TM9SF2: variants seen among roughly 807,000 people sequenced by gnomAD.
TM9SF2 encodes the protein transmembrane 9 superfamily member 2, also known as 76 kDa membrane protein.
TM9SF2 carries 13 observed loss-of-function variants against 84.9 expected under a neutral mutation model. The ratio of observed to expected loss-of-function variants is 0.15; its 90% CI spans 0.10 to 0.24. The LOEUF is 0.24. Among genes scored for constraint, TM9SF2 ranks in the 10% least tolerant of loss-of-function variants. The probability of loss-of-function intolerance (pLI) is 1.00; values close to 1 mark genes in which losing one functional copy is unlikely to be tolerated. For missense variants in TM9SF2, 562 were observed against 818.5 expected (o/e 0.69, Z 3.82); for synonymous variants, 273 against 285.8 (o/e 0.96, Z 0.45).
chr13:99,541,700 A>G, intron 9 of TM9SF2, 33 bp downstream of exon 9: 1 of 1,411,242 alleles, frequency 7.1e-7, no homozygotes, highest in Non-Finnish European at 9.9e-7. Flanking sequence ...TTAGTCTGCC[A>G]AGGACACTGT....
intron 9 of TM9SF2, among the ~76,000 whole-genome samples, chr13:99,543,379 G>T (rs1376327349): frequency 6.6e-6 from 1 of 152,182 alleles, no homozygotes; most frequent in Non-Finnish European, 1.5e-5. Context: ...ACTCACTGTG[G>T]TATCTGGTGT....
Position 99,554,456 on chromosome 13 carries a change from G to A in TM9SF2, c.1640+1G>A. ...TTTTCTTCATTCTGAATAGTATTTG[G>A]TAAGCTAAGGATAAAGTCCTCTCAT... On this transcript the variant is annotated splice_donor_variant, in intron 14 of 16. Coordinates refer to ENST00000376387, the MANE Select transcript of TM9SF2 (RefSeq NM_004800.3). LOFTEE classifies it high-confidence loss of function. 6.2e-7 allele frequency: 1 copy of A among 1,613,484 alleles called. No homozygotes were observed. The highest frequency in any genetic ancestry group is 8.5e-7 in the Non-Finnish European group (1 of 1,179,714).
rs1457075561 is a variant in TM9SF2 at position 99,534,502 on chromosome 13, T to A, written c.462-2106T>A. Among the ~76,000 whole-genome samples the A allele has an allele frequency of 2.6e-5, 4 of 152,232 alleles. No homozygotes were observed. The East Asian group carries it at 5.8e-4, about 22-fold the overall frequency. ...GCAAAAAAAAGAAAAGAAAAAAAAATGCCAACTTGTTAAATGCCAACTTTC... is the reference window on the plus strand; with the variant it reads ...GCAAAAAAAAGAAAAGAAAAAAAAAAGCCAACTTGTTAAATGCCAACTTTC... On this transcript the variant is annotated intron_variant, in intron 4 of 16. Transcript: ENST00000376387.
In TM9SF2 at chr13:99,537,850, C is replaced by G; in HGVS notation, c.703C>G (p.Leu235Val). The stretch of plus-strand genomic sequence containing the variant: ...GGGAGCAAGATTAGTGGCTGCTAAA[C>G]TTGAACCGAAAAGGTAATTATATTA... ...SMGARLVAAK[L>V]EPKSFKHTHI... The change falls in exon 6 of 17, where the codon CTT becomes GTT. Residue 235 changes from leucine to valine, a missense_variant. Around this residue, in one of 4 missense-constraint regions of TM9SF2, gnomAD observed 267 missense variants for 316.7 expected, o/e 0.84. Coordinates refer to ENST00000376387, the MANE Select transcript of TM9SF2 (RefSeq NM_004800.3). 1 of 1,603,272 alleles carries G rather than the reference C, an allele frequency of 6.2e-7. No homozygotes were observed. The highest frequency in any genetic ancestry group is 1.1e-5 in the South Asian group (1 of 87,786).
intron 3 of TM9SF2, among the ~76,000 whole-genome samples, chr13:99,522,850 C>G (rs929189490): frequency 1.3e-5 from 2 of 152,222 alleles, no homozygotes; most frequent in African/African-American, 4.8e-5. Context: ...TGTGCAAGGA[C>G]TGTTCCTTGC....
chr13:99,549,341 T>A (rs959170754), intron 12 of TM9SF2, 119 bp downstream of exon 12: 45 of 736,882 alleles, frequency 6.1e-5, no homozygotes, highest in Non-Finnish European at 8.9e-5. Context: ...AAAGTAAATT[T>A]AATTTTTGAA....
At chr13:99,509,538 T>TA (rs1220260627) in intron 1 of TM9SF2, among the ~76,000 whole-genome samples, 4 of 152,212 alleles carry the variant, frequency 2.6e-5, no homozygotes, top group African/African-American at 9.6e-5. Context: ...CACCAAGACT[T>TA]ACGGCTTGCA....
At chr13:99,542,237 C>G (rs928176626) in intron 9 of TM9SF2, among the ~76,000 whole-genome samples, 1 of 151,914 alleles carries the variant, frequency 6.6e-6, no homozygotes, top group Non-Finnish European at 1.5e-5. Context: ...TGGACTGGTG[C>G]AGCGTGGGGT....
At chr13:99,507,095 A>C (rs1005450494) in intron 1 of TM9SF2, among the ~76,000 whole-genome samples, 1 of 152,244 alleles carries the variant, frequency 6.6e-6, no homozygotes, top group African/African-American at 2.4e-5. Context: ...TGCCTTAGCT[A>C]AATTTCATAA....
intron 4 of TM9SF2, among the ~76,000 whole-genome samples, chr13:99,533,146 G>A (rs2046218115): frequency 6.6e-6 from 1 of 152,204 alleles, no homozygotes; most frequent in South Asian, 2.1e-4. Context: ...TAGGGAGTTT[G>A]TGAATATAGC....
At chr13:99,532,264 A>G (rs963627814) in intron 4 of TM9SF2, among the ~76,000 whole-genome samples, 1 of 151,406 alleles carries the variant, frequency 6.6e-6, no homozygotes, top group African/African-American at 2.4e-5. Flanking sequence ...GTTAGCCAGG[A>G]TGGTCTCGAT....
Position 99,501,529 on chromosome 13 carries a change from A to G in TM9SF2, c.-78A>G, listed in dbSNP as rs534324347. The G allele has an allele frequency of 4.6e-6, 7 of 1,529,768 alleles. No homozygotes were observed. The East Asian group carries it at 7.0e-5, about 15-fold the overall frequency. 94.8% of individuals were successfully genotyped at this position (1,529,768 alleles called of 1,614,324 possible). On this transcript the variant is annotated 5_prime_UTR_variant, in exon 1 of 17. Coordinates refer to ENST00000376387, the MANE Select transcript of TM9SF2 (RefSeq NM_004800.3). ...CTTCCTTTATCTCTGGCGGCCTTGT[A>G]GTCGTCTCCGAGACTCCCCACCCCT... is the stretch of plus-strand genomic sequence containing the variant.
chr13:99,549,896 A>T (rs1356213011), intron 12 of TM9SF2, among the ~76,000 whole-genome samples: 1 of 152,236 alleles, frequency 6.6e-6, no homozygotes, highest in African/African-American at 2.4e-5. Context: ...TGCAAGCGTG[A>T]TGGCAGCAGC....
At chr13:99,556,160 G>C (rs1266253061) in intron 15 of TM9SF2, among the ~76,000 whole-genome samples, 1 of 112,470 alleles carries the variant, frequency 8.9e-6, no homozygotes, top group African/African-American at 3.3e-5. Context: ...TTTAGGTTGT[G>C]TTAAATCTAC....
At chr13:99,550,660 T>G (rs192917857) in intron 12 of TM9SF2, among the ~76,000 whole-genome samples, 1 of 152,306 alleles carries the variant, frequency 6.6e-6, no homozygotes, top group Admixed American at 6.5e-5. Flanking sequence ...AGAAGGATCA[T>G]TTAATAACAG....
chr13:99,507,866 G>A (rs1360009035), intron 1 of TM9SF2, among the ~76,000 whole-genome samples: 2 of 152,164 alleles, frequency 1.3e-5, no homozygotes, highest in East Asian at 3.8e-4. Flanking sequence ...AGTGTGGGGT[G>A]GGACAGATGT....
intron 15 of TM9SF2, 137 bp from the exon 16 acceptor site, chr13:99,559,225 AG>A (rs1225805250): frequency 1.5e-6 from 1 of 681,436 alleles, no homozygotes; most frequent in African/African-American, 1.9e-5. Flanking sequence ...GAAGTTCAAT[AG>A]GAGAAAGAGC....
intron 4 of TM9SF2, among the ~76,000 whole-genome samples, chr13:99,530,574 A>T (rs1342765660): frequency 1.3e-5 from 2 of 152,262 alleles, no homozygotes; most frequent in Non-Finnish European, 2.9e-5. Context: ...TAACAGTAGC[A>T]TATTATGCTT....
At chr13:99,558,443 G>A (rs1188285965) in intron 15 of TM9SF2, among the ~76,000 whole-genome samples, 1 of 152,218 alleles carries the variant, frequency 6.6e-6, no homozygotes. Context: ...ACAGTGTTAA[G>A]TCTAATAGTA....
Sources: allele counts gnomAD v4.1 joint callset (sites outside exome capture counted in the v4.1 genomes callset), GRCh38; gene constraint gnomAD v4.1.1; regional missense constraint gnomAD v4.1.1; transcripts MANE v1.5; gene names NCBI Gene and HGNC (gene_info 2026-07-23, HGNC 2026-07-21).